The following MNT variants were observed in gnomAD, a reference collection of about 807,000 sequenced individuals.
MNT encodes MAX network transcriptional repressor, also known as max-binding protein MNT.
MNT carries 13 observed loss-of-function variants against 40.7 expected under a neutral mutation model. The ratio of observed to expected loss-of-function variants is 0.32; its 90% CI spans 0.21 to 0.51. The LOEUF is 0.51. Among genes scored for constraint, MNT ranks in the 20% least tolerant of loss-of-function variants. MNT has a pLI of 0.98. For missense variants in MNT, 757 were observed against 792.0 expected (o/e 0.96, Z 0.53); for synonymous variants, 426 against 354.8 (o/e 1.20, Z -2.26).
At chr17:2,388,274 G>A (rs1413430010) in intron 4 of MNT, 1 of 524,570 alleles carries the variant, frequency 1.9e-6, no homozygotes, top group African/African-American at 2.0e-5. Context: ...AGGCACCACT[G>A]AAGCAAGCTC....
At position 2,385,991 on chromosome 17, in the gene MNT, A is replaced by C. The variant is rs1048288624; in HGVS notation, c.*910T>G. ...AGGTCAGAGATCAGGGGCTGAACGC[A>C]GGACAGCGCCCCTCTTTGCTGCCTT... On this transcript the variant is annotated 3_prime_UTR_variant, in exon 6 of 6. Transcript: ENST00000174618. The C allele has an allele frequency of 6.6e-6, 1 of 152,326 alleles. No homozygotes were observed. Among genetic ancestry groups the C allele is most frequent in the Non-Finnish European group, 1.5e-5 (1 of 68,110 alleles). 9.4% of individuals were successfully genotyped at this position (152,326 alleles called of 1,614,324 possible).
At chr17:2,394,279 A>ACACACG (rs1555611882) in intron 3 of MNT, 26 bp downstream of exon 3, 2 of 726,576 alleles carry the variant, frequency 2.8e-6, no homozygotes, top group Non-Finnish European at 4.2e-6. Flanking sequence ...GCACGCACGC[A>ACACACG]CACACACACA....
In MNT at chr17:2,386,676, CAG is replaced by C. The variant is rs1283209286; in HGVS notation, c.*223_*224del. On this transcript the variant is annotated 3_prime_UTR_variant, in exon 6 of 6. Transcript: ENST00000174618. ...GGGCCGGACAGGTGGCACATTCCAT[CAG>C]AGTCTCGCATTTTCTCAGAGTCATC... The C allele has an allele frequency of 3.1e-5, 15 of 477,366 alleles. No homozygotes were observed. The highest frequency in any genetic ancestry group is 1.5e-4 in the Admixed American group (4 of 26,288). The allele number at this position is 477,366 out of a possible 1,614,324, so 29.6% of individuals were successfully genotyped here.
At chr17:2,393,844 C>G in intron 4 of MNT, 199 bp downstream of exon 4, 1 of 287,708 alleles carries the variant, frequency 3.5e-6, no homozygotes, top group Non-Finnish European at 6.3e-6. Context: ...GAGCCGCGCC[C>G]TCCTCTGCGC....
intron 4 of MNT, among the ~76,000 whole-genome samples, chr17:2,392,392 G>A (rs1567867125): frequency 1.3e-5 from 2 of 152,130 alleles, no homozygotes; most frequent in South Asian, 2.1e-4. Context: ...TTCCTTCTGC[G>A]GCTGCTGCTG....
At position 2,387,343 on chromosome 17, in the gene MNT, C is replaced by T; in HGVS notation, c.1307G>A (p.Gly436Asp). The stretch of plus-strand genomic sequence containing the variant: ...TGTGTGGGCGATGACCGTGGAGCCA[C>T]CCCCAGCCGTCGCCACCAGATGGGC... ...APAHLVATAG[G>D]GSTVIAHTAT... The change falls in exon 6 of 6, where the codon GGT (glycine) becomes GAT (aspartate). Residue 436 changes from glycine to aspartate, a missense_variant. This residue lies in a region of MNT where 345 missense variants were observed against 380.1 expected (regional missense o/e 0.91). Transcript: ENST00000174618. 1.2e-6 allele frequency: 2 copies of T among 1,612,556 alleles called. No individual in the cohort carries two copies. The highest frequency in any genetic ancestry group is 1.7e-6 in the Non-Finnish European group (2 of 1,179,538).
At chr17:2,394,248 GGGCCC>G in intron 3 of MNT, 52 bp downstream of exon 3, 1 of 1,583,262 alleles carries the variant, frequency 6.3e-7, no homozygotes, top group South Asian at 1.1e-5. Flanking sequence ...AGGGCCGCCG[GGGCCC>G]GGGTCGCGCG....
intron 4 of MNT, among the ~76,000 whole-genome samples, chr17:2,393,149 CA>C (rs1182492894): frequency 2.4e-5 from 3 of 124,748 alleles, no homozygotes; most frequent in Non-Finnish European, 4.8e-5. Flanking sequence ...ACCCCCCCCC[CA>C]ACGCGGGCTG....
Position 2,386,974 on chromosome 17 carries a change from C to A in MNT, c.1676G>T (p.Gly559Val). 6.6e-7 allele frequency: 1 copy of A among 1,524,242 alleles called. No individual in the cohort carries two copies. The allele number at this position is 1,524,242 out of a possible 1,614,324, so 94.4% of individuals were successfully genotyped here. ...AQVVHHPQLV[G>V]QTVLNPVTMV... ...GGTCACAGGGTTGAGCACGGTCTGG[C>A]CCACCAGCTGGGGGTGGTGCACCAC... is the stretch of plus-strand genomic sequence containing the variant. The change falls in exon 6 of 6, where the codon GGC (glycine) becomes GTC (valine). Residue 559 changes from glycine to valine, a missense_variant. Gly to Val is a moderately radical substitution (Grantham distance 109). Transcript: ENST00000174618.
chr17:2,395,321 TGGAGAC>T lies in MNT; in HGVS notation c.201_206del (p.Ser68_Pro69del), dbSNP rs1567869367. 1 of 1,605,814 alleles carries T rather than the reference TGGAGAC, an allele frequency of 6.2e-7. No individual in the cohort carries two copies. The highest frequency in any genetic ancestry group is 2.2e-5 in the East Asian group (1 of 44,794). ...GTGGGGGTGCCGGCGGGGGAGCCGG[TGGAGAC>T]AGAGGCAGGGGTGGCGCCTCCATGC... On this transcript the variant is annotated inframe_deletion, in exon 2 of 6. Coordinates refer to ENST00000174618, the MANE Select transcript of MNT (RefSeq NM_020310.3).
chr17:2,387,994 T>C lies in MNT; in HGVS notation c.863A>G (p.Glu288Gly). 6.3e-7 allele frequency: 1 copy of C among 1,578,256 alleles called. No homozygotes were observed. The highest frequency in any genetic ancestry group is 1.8e-5 in the Admixed American group (1 of 55,918). Residue 288 changes from glutamate to glycine, a missense_variant, in exon 5 of 6, where the codon GAG (glutamate) becomes GGG (glycine). Physicochemically the swap from Glu to Gly is moderately conservative, Grantham distance 98 (BLOSUM62 -2). This residue lies in a region of MNT where 73 missense variants were observed against 100.8 expected (regional missense o/e 0.72). Coordinates refer to ENST00000174618, the MANE Select transcript of MNT (RefSeq NM_020310.3). Reference sequence around the variant, plus strand: ...CAGCCGCTGCTGCGTGGCAATCTTCTCACGTGCCAGCCGCTCCATTTCATG... The same window carrying C: ...CAGCCGCTGCTGCGTGGCAATCTTCCCACGTGCCAGCCGCTCCATTTCATG... ...YEHEMERLAREKIATQQRLAE... is the reference protein window; with the variant it reads ...YEHEMERLARGKIATQQRLAE...
rs762365176 is a variant in MNT, at chr17:2,387,496, T to C, written c.1154A>G (p.His385Arg). ...AGGAGGTAGGGCCACGGAGTGGGGG[T>C]GAGGGTGTGGGTGTGGAGGCAGAGG... ...PAPLPPHPHP[H>R]PHSVALPPAH... The change falls in exon 6 of 6, where the codon CAC (histidine) becomes CGC (arginine). Residue 385 changes from histidine to arginine, a missense_variant. His to Arg is a conservative substitution (Grantham distance 29). Coordinates refer to ENST00000174618, the MANE Select transcript of MNT (RefSeq NM_020310.3). 2 of 1,608,614 alleles carry C rather than the reference T, an allele frequency of 1.2e-6. No individual in the cohort carries two copies. The highest frequency in any genetic ancestry group is 2.7e-5 in the African/African-American group (2 of 73,512).
At chr17:2,392,431 A>C (rs1269611637) in intron 4 of MNT, among the ~76,000 whole-genome samples, 5 of 152,012 alleles carry the variant, frequency 3.3e-5, no homozygotes, top group Non-Finnish European at 7.4e-5. Context: ...TTCCAAACCC[A>C]CACGTTACGC....
Position 2,386,827 on chromosome 17 carries a change from G to C in MNT, c.*74C>G. 1.4e-6 allele frequency: 2 copies of C among 1,409,480 alleles called. No homozygotes were observed. The highest frequency in any genetic ancestry group is 1.9e-6 in the Non-Finnish European group (2 of 1,068,282). 87.3% of individuals were successfully genotyped at this position (1,409,480 alleles called of 1,614,324 possible). ...GGCCTGGGCCTGGCTGGAATGTGTG[G>C]AGCTGGTGGGTGAGAGAGTGGGGGA... On this transcript the variant is annotated 3_prime_UTR_variant, in exon 6 of 6. Coordinates refer to ENST00000174618, the MANE Select transcript of MNT (RefSeq NM_020310.3).
chr17:2,389,343 T>C (rs1158280538), intron 4 of MNT: 3 of 152,270 alleles, frequency 2.0e-5, no homozygotes, highest in Non-Finnish European at 2.9e-5. Flanking sequence ...TGGCATGATC[T>C]TGGCTCACTG....
intron 4 of MNT, among the ~76,000 whole-genome samples, chr17:2,393,576 C>T (rs1036096122): frequency 6.6e-6 from 1 of 152,156 alleles, no homozygotes; most frequent in African/African-American, 2.4e-5. Context: ...CGGGGCTCGG[C>T]CCGCGCCGCA....
rs1174696869 is a variant in MNT at position 2,387,600 on chromosome 17, C to T, written c.1050G>A (p.Leu350=). 1.9e-6 allele frequency: 3 copies of T among 1,614,096 alleles called. No individual in the cohort carries two copies. In the East Asian group the frequency reaches 6.7e-5, roughly 36 times the overall value. Residue 350 remains leucine (L), a synonymous_variant, in exon 6 of 6, where the codon CTG becomes CTA. Transcript: ENST00000174618. ...GACGATGGCTCAGCTTAGGTGGGCC[C>T]AGGCCCGCCCGGTCCTCCTCCATAT... is the stretch of plus-strand genomic sequence containing the variant. ...DEDMEEDRAG[L]GPPKLSHRPQ...
At chr17:2,399,251 A>T (rs2066598076) in intron 1 of MNT, among the ~76,000 whole-genome samples, 1 of 151,870 alleles carries the variant, frequency 6.6e-6, no homozygotes, top group Non-Finnish European at 1.5e-5. Flanking sequence ...ACCCTGGAAA[A>T]GGGAGGTCTT....
In MNT at chr17:2,386,870, C is replaced by T. The variant is rs755922787; in HGVS notation, c.*31G>A. On this transcript the variant is annotated 3_prime_UTR_variant, in exon 6 of 6. Coordinates refer to ENST00000174618, the MANE Select transcript of MNT (RefSeq NM_020310.3). ...GTGGGGGACAGGTCCCCCTCCCTGT[C>T]CCCACTGGGGGCCTCTGAGTGGCCT... The T allele has an allele frequency of 6.9e-7, 1 of 1,447,962 alleles. No individual in the cohort carries two copies. Among genetic ancestry groups the T allele is most frequent in the Non-Finnish European group, 9.1e-7 (1 of 1,097,680 alleles). The allele number at this position is 1,447,962 out of a possible 1,614,324, so 89.7% of individuals were successfully genotyped here. A position where few individuals can be genotyped will look rare whatever the true frequency, so the allele number is the denominator to read the frequency against.
Sources: gnomAD v4.1 joint callset for allele counts (sites outside exome capture counted in the v4.1 genomes callset) on GRCh38, gnomAD v4.1.1 for gene constraint, gnomAD v4.1.1 regional missense constraint, MANE v1.5 for transcripts, NCBI Gene and HGNC (gene_info 2026-07-23, HGNC 2026-07-21) for gene names.